The following MORC3 variants were observed in gnomAD, a reference collection of about 807,000 sequenced individuals.
The protein encoded by MORC3 is MORC family CW-type zinc finger protein 3.
In MORC3, 31 loss-of-function variants were observed where a neutral mutation model predicts 109.1. The ratio of observed to expected loss-of-function variants is 0.28; its 90% confidence interval spans 0.21 to 0.38. The LOEUF (loss-of-function observed/expected upper bound fraction) is 0.38. MORC3 is among the 10% of genes least tolerant of loss of function. The pLI, the probability that MORC3 is intolerant of heterozygous loss-of-function variation, is 1.00. For synonymous variants in MORC3, 395 were observed against 380.7 expected (o/e 1.04, Z -0.44); for missense variants, 867 against 1,135.8 (o/e 0.76, Z 3.40).
intron 12 of MORC3, 124 bp from the exon 13 acceptor site, chr21:36,362,059 T>A: frequency 9.8e-7 from 1 of 1,016,408 alleles, no homozygotes; most frequent in Non-Finnish European, 1.5e-6. Flanking sequence ...CTGAAGGGCT[T>A]ACTGTTGATT....
At chr21:36,330,235 A>T (rs2085300270) in intron 1 of MORC3, among the ~76,000 whole-genome samples, 1 of 151,548 alleles carries the variant, frequency 6.6e-6, no homozygotes, top group Admixed American at 6.6e-5. Flanking sequence ...AGAGTCAGGC[A>T]CCCTTTTCAG....
At chr21:36,372,283 C>G in intron 15 of MORC3, 91 bp from the exon 16 acceptor site, 1 of 1,132,092 alleles carries the variant, frequency 8.8e-7, no homozygotes, top group Non-Finnish European at 1.2e-6. Flanking sequence ...ATAATGTTAT[C>G]AAGCAGGTTC....
chr21:36,354,323 C>CTTT (rs144208712), intron 9 of MORC3, among the ~76,000 whole-genome samples: 45 of 113,640 alleles, frequency 4.0e-4, no homozygotes, highest in South Asian at 8.5e-4. Flanking sequence ...TTCTTTCTTT[C>CTTT]TTTTTTTTTT....
In MORC3 at chr21:36,338,790, A is replaced by G. The variant is rs2085402714; in HGVS notation, c.477A>G (p.Leu159=). Residue 159 remains leucine (L), a synonymous_variant, in exon 5 of 17, where the codon TTA becomes TTG. Transcript: ENST00000400485. ...AFNKHRQMIN[L]AESKASLAAI... is the part of the protein sequence containing the mutation. The stretch of plus-strand genomic sequence containing the variant: ...ATGATATACGACAGATGATTAATTT[A>G]GCAGAATCAAAAGCCAGCCTTGCTG... 6.2e-7 allele frequency: 1 copy of G among 1,613,644 alleles called. No individual in the cohort carries two copies.
intron 1 of MORC3, 47 bp from the exon 2 acceptor site, chr21:36,333,599 A>C: frequency 1.3e-6 from 2 of 1,490,898 alleles, no homozygotes; most frequent in Non-Finnish European, 1.9e-6. Flanking sequence ...TTTTATTTTC[A>C]AAAGTAAGAC....
chr21:36,359,884 A>G, intron 10 of MORC3, 71 bp from the exon 11 acceptor site: 1 of 1,560,866 alleles, frequency 6.4e-7, no homozygotes. Context: ...GGTAGAAATG[A>G]TGTGGAACAT....
chr21:36,327,555 G>C (rs1569087252), intron 1 of MORC3, among the ~76,000 whole-genome samples: 1 of 151,208 alleles, frequency 6.6e-6, no homozygotes, highest in Admixed American at 6.6e-5. Flanking sequence ...GAAAAAGGCC[G>C]AAAGAAAGCA....
chr21:36,363,274 T>C (rs2085741215), intron 13 of MORC3, among the ~76,000 whole-genome samples: 1 of 151,916 alleles, frequency 6.6e-6, no homozygotes, highest in African/African-American at 2.4e-5. Context: ...TAAAAAATAA[T>C]GTGGTGGCAG....
intron 16 of MORC3, 114 bp downstream of exon 16, chr21:36,372,645 G>A (rs1447797591): frequency 1.8e-6 from 2 of 1,092,394 alleles, no homozygotes; most frequent in Non-Finnish European, 2.5e-6. Context: ...AGTTATTGAT[G>A]GTCTGCTGTG....
intron 8 of MORC3, chr21:36,347,885 C>T (rs1232600709): frequency 6.6e-6 from 1 of 152,036 alleles, no homozygotes; most frequent in Non-Finnish European, 1.5e-5. Flanking sequence ...ATGAGAGAGA[C>T]AGGATAAGGC....
intron 1 of MORC3, among the ~76,000 whole-genome samples, chr21:36,322,689 A>G (rs1263040929): frequency 6.6e-6 from 1 of 152,206 alleles, no homozygotes; most frequent in African/African-American, 2.4e-5. Flanking sequence ...TACACATTTT[A>G]AACAGTCATT....
At chr21:36,324,165 G>A (rs1233558660) in intron 1 of MORC3, among the ~76,000 whole-genome samples, 2 of 150,628 alleles carry the variant, frequency 1.3e-5, no homozygotes, top group Non-Finnish European at 3.0e-5. Context: ...ATGAGGCACC[G>A]AGCCCGGCCA....
At chr21:36,359,714 C>T (rs1320412813) in intron 10 of MORC3, among the ~76,000 whole-genome samples, 2 of 151,928 alleles carry the variant, frequency 1.3e-5, no homozygotes, top group African/African-American at 4.8e-5. Context: ...TTACCACTCC[C>T]AGTTAATCTT....
intron 5 of MORC3, among the ~76,000 whole-genome samples, chr21:36,340,815 T>G (rs1198847133): frequency 1.3e-5 from 2 of 152,116 alleles, no homozygotes; most frequent in African/African-American, 4.8e-5. Context: ...TTTTGTGTTT[T>G]TAGTAGAGAC....
chr21:36,357,848 C>T (rs2085663005), intron 10 of MORC3, among the ~76,000 whole-genome samples: 1 of 149,500 alleles, frequency 6.7e-6, no homozygotes, highest in Non-Finnish European at 1.5e-5. Flanking sequence ...TCAAGCAATT[C>T]TCCTGCCTCA....
intron 1 of MORC3, among the ~76,000 whole-genome samples, chr21:36,327,776 A>T (rs2085265488): frequency 6.8e-6 from 1 of 146,102 alleles, no homozygotes; most frequent in Admixed American, 6.6e-5. Context: ...ACTTAGTTTC[A>T]GTTTGGTGAC....
chr21:36,355,722 A>G lies in MORC3; in HGVS notation c.1104-898A>G, dbSNP rs1284429313. Among the ~76,000 whole-genome samples, 4 of 151,882 alleles carry G rather than the reference A, an allele frequency of 2.6e-5. No individual in the cohort carries two copies. In the East Asian group the frequency reaches 5.8e-4, roughly 22 times the overall value. ...CCCAGCACTTTGGGAGGCTGAGACAAGAATAGCTTGAGGCCAGGAGTTCGA... is the reference window on the plus strand; with the variant it reads ...CCCAGCACTTTGGGAGGCTGAGACAGGAATAGCTTGAGGCCAGGAGTTCGA... On this transcript the variant is annotated intron_variant, in intron 9 of 16. Transcript: ENST00000400485.
chr21:36,359,540 C>A (rs2085687546), intron 10 of MORC3, among the ~76,000 whole-genome samples: 1 of 147,796 alleles, frequency 6.8e-6, no homozygotes, highest in South Asian at 2.2e-4. Flanking sequence ...CTTTTCTTTT[C>A]CTTTCCTTTC....
chr21:36,374,208 G>C (rs758015944), intron 16 of MORC3, among the ~76,000 whole-genome samples: 1 of 152,010 alleles, frequency 6.6e-6, no homozygotes, highest in Non-Finnish European at 1.5e-5. Context: ...TCCTGCCTCA[G>C]CCTCACCAGT....
Sources: allele counts gnomAD v4.1 joint callset (sites outside exome capture counted in the v4.1 genomes callset), GRCh38; gene constraint gnomAD v4.1.1; transcripts MANE v1.5; gene names NCBI Gene and HGNC (gene_info 2026-07-23, HGNC 2026-07-21).